The following LANCL3 variants were observed in gnomAD, a reference collection of about 807,000 sequenced individuals.
LANCL3 encodes the protein lanC-like protein 3.
In LANCL3, 19 loss-of-function variants were observed where a neutral mutation model predicts 26.5. The ratio of observed to expected loss-of-function variants is 0.72; its 90% CI spans 0.50 to 1.05. LANCL3 has a LOEUF of 1.05. LANCL3 is among the 50% of genes least tolerant of loss of function. The pLI, the probability that LANCL3 is intolerant of heterozygous loss-of-function variation, is 0.00. For missense variants in LANCL3, 318 were observed against 362.7 expected (o/e 0.88, Z 1.00); for synonymous variants, 160 against 166.6 (o/e 0.96, Z 0.30).
At chrX:37,645,636 GCTGC>G (rs782684142) in intron 1 of LANCL3, among the ~76,000 whole-genome samples, 1 of 111,915 alleles carries the variant, frequency 8.9e-6, no homozygotes, top group East Asian at 2.8e-4. Context: ...GCTTCCTCTC[GCTGC>G]CTTGAATGTC....
intron 1 of LANCL3, among the ~76,000 whole-genome samples, chrX:37,621,087 A>G (rs781808232): frequency 3.6e-5 from 4 of 111,732 alleles, no homozygotes; most frequent in Non-Finnish European, 7.5e-5. Context: ...TTATATCCAA[A>G]TTAAGAACAT....
At chrX:37,598,785 C>T (rs2146724710) in intron 1 of LANCL3, among the ~76,000 whole-genome samples, 1 of 111,921 alleles carries the variant, frequency 8.9e-6, no homozygotes, top group South Asian at 3.8e-4. Flanking sequence ...AAAGTACCTT[C>T]CTTTGTACCA....
intron 1 of LANCL3, among the ~76,000 whole-genome samples, chrX:37,604,207 C>T (rs55862940): frequency 8.9e-6 from 1 of 112,481 alleles, no homozygotes; most frequent in African/African-American, 3.2e-5. Context: ...CTGTTGTACT[C>T]TCAAGCCAAA....
chrX:37,665,981 C>T (rs1355282759), intron 3 of LANCL3, among the ~76,000 whole-genome samples: 3 of 112,004 alleles, frequency 2.7e-5, no homozygotes, highest in Non-Finnish European at 5.6e-5. Context: ...GTACTTTGTT[C>T]CTAAAACTGA....
intron 1 of LANCL3, among the ~76,000 whole-genome samples, chrX:37,640,535 C>CTT (rs1241647252): frequency 1.8e-5 from 2 of 111,848 alleles, no homozygotes; most frequent in Non-Finnish European, 3.8e-5. Context: ...GTGGCAGAGA[C>CTT]TTTTCTCTCT....
In LANCL3 at chrX:37,679,888, A is replaced by G. The variant is rs192672216; in HGVS notation, c.*4075A>G. ...ATAAAGAACCAGTCCATTCTTACCC[A>G]TGAGTTTTATTGCTTTCTGGGACCT... On this transcript the variant is annotated 3_prime_UTR_variant, in exon 5 of 5. Transcript: ENST00000378619. 1.8e-5 allele frequency: 2 copies of G among 111,480 alleles called. No homozygotes were observed. The highest frequency in any genetic ancestry group is 2.8e-4 in the East Asian group (1 of 3,555). The allele number at this position is 111,480 out of a possible 1,213,427, so 9.2% of individuals were successfully genotyped here. A position where few individuals can be genotyped will look rare whatever the true frequency, so the allele number is the denominator to read the frequency against.
chrX:37,572,520 A>G lies in LANCL3; in HGVS notation c.573+77A>G. The G allele has an allele frequency of 6.8e-6, 6 of 886,670 alleles. No individual in the cohort carries two copies. The South Asian group carries it at 1.3e-4, about 20-fold the overall frequency. 73.1% of individuals were successfully genotyped at this position (886,670 alleles called of 1,213,427 possible). ...TTTCCCCGGACTCCGTGGCTCGGGC[A>G]GCACTGTCCCGAGTTGCTCTCCAAG... is the stretch of plus-strand genomic sequence containing the variant. On this transcript the variant is annotated intron_variant, in intron 1 of 4. Transcript: ENST00000378619.
At chrX:37,573,434 T>C (rs1923657150) in intron 1 of LANCL3, among the ~76,000 whole-genome samples, 1 of 111,953 alleles carries the variant, frequency 8.9e-6, no homozygotes, top group Non-Finnish European at 1.9e-5. Flanking sequence ...TAGAGTGTTT[T>C]AAAAGAGTAA....
In LANCL3 at chrX:37,572,038, G is replaced by T; in HGVS notation, c.168G>T (p.Ala56=). The T allele has an allele frequency of 8.5e-7, 1 of 1,180,065 alleles. No homozygotes were observed. Among genetic ancestry groups the T allele is most frequent in the South Asian group, 1.8e-5 (1 of 54,214 alleles). The stretch of plus-strand genomic sequence containing the variant: ...GCGCGGAGGCCCGAGGGGCGACGGC[G>T]GGGGCTAGCGCCTGCCAGGGGGGGC... ...GGGAEARGAT[A]GASACQGGLY... The change falls in exon 1 of 5, where the codon GCG becomes GCT. Residue 56 remains alanine (A), a synonymous_variant. Transcript: ENST00000378619.
chrX:37,592,151 T>C (rs1924300259), intron 1 of LANCL3, among the ~76,000 whole-genome samples: 1 of 111,607 alleles, frequency 9.0e-6, no homozygotes, highest in Admixed American at 9.5e-5. Context: ...ATCCAGAACA[T>C]TGGCAGCCAC....
chrX:37,612,222 G>A (rs112389553), intron 1 of LANCL3, among the ~76,000 whole-genome samples: 2 of 112,200 alleles, frequency 1.8e-5, no homozygotes, highest in African/African-American at 6.5e-5. Flanking sequence ...GATTACAGGC[G>A]TAAGCTACAA....
At chrX:37,598,809 T>C (rs1373103960) in intron 1 of LANCL3, among the ~76,000 whole-genome samples, 2 of 112,164 alleles carry the variant, frequency 1.8e-5, no homozygotes, top group East Asian at 2.8e-4. Flanking sequence ...AAAGCAGTAG[T>C]GATGCAGAAT....
intron 1 of LANCL3, among the ~76,000 whole-genome samples, chrX:37,597,792 C>T (rs1924476840): frequency 1.9e-5 from 2 of 102,834 alleles, no homozygotes; most frequent in African/African-American, 7.1e-5. Flanking sequence ...GCTGGGATTA[C>T]AGGTGTGAGC....
intron 1 of LANCL3, among the ~76,000 whole-genome samples, chrX:37,604,396 G>C (rs1210223093): frequency 8.9e-6 from 1 of 112,296 alleles, no homozygotes; most frequent in Non-Finnish European, 1.9e-5. Context: ...AACTTTTTCA[G>C]AGATATTCCA....
chrX:37,678,518 A>G lies in LANCL3; in HGVS notation c.*2705A>G, dbSNP rs920444778. Reference sequence around the variant, plus strand: ...GAGGATACATTGAAATAGTCTCTCAATAATGGGGAGACTGCATTATGCTTT... The same window carrying G: ...GAGGATACATTGAAATAGTCTCTCAGTAATGGGGAGACTGCATTATGCTTT... On this transcript the variant is annotated 3_prime_UTR_variant, in exon 5 of 5. Coordinates refer to ENST00000378619, the MANE Select transcript of LANCL3 (RefSeq NM_001170331.2). The G allele has an allele frequency of 8.9e-6, 1 of 112,055 alleles. No individual in the cohort carries two copies. Among genetic ancestry groups the G allele is most frequent in the Non-Finnish European group, 1.9e-5 (1 of 53,114 alleles). The allele number at this position is 112,055 out of a possible 1,213,427, so 9.2% of individuals were successfully genotyped here. A position where few individuals can be genotyped will look rare whatever the true frequency, so the allele number is the denominator to read the frequency against.
At chrX:37,600,681 T>C (rs1311778089) in intron 1 of LANCL3, among the ~76,000 whole-genome samples, 1 of 112,019 alleles carries the variant, frequency 8.9e-6, no homozygotes, top group Non-Finnish European at 1.9e-5. Flanking sequence ...ACTAATTCAG[T>C]ACTTCTCAAA....
In LANCL3 at chrX:37,683,326, A is replaced by G. The variant is rs1926982208; in HGVS notation, c.*7513A>G. The G allele has an allele frequency of 1.8e-5, 2 of 112,171 alleles. No individual in the cohort carries two copies. The highest frequency in any genetic ancestry group is 6.5e-5 in the African/African-American group (2 of 30,953). 9.2% of individuals were successfully genotyped at this position (112,171 alleles called of 1,213,427 possible). Reference sequence around the variant, plus strand: ...TTGTATCTAGGAATGAATAACTACTATTATTTAAAGTACTACTGAATTTTG... The same window carrying G: ...TTGTATCTAGGAATGAATAACTACTGTTATTTAAAGTACTACTGAATTTTG... On this transcript the variant is annotated 3_prime_UTR_variant, in exon 5 of 5. Transcript: ENST00000378619.
In LANCL3 at chrX:37,659,607, C is replaced by T. The variant is rs367952311; in HGVS notation, c.843C>T (p.Gly281=). The stretch of plus-strand genomic sequence containing the variant: ...ACTGCAACTGGCCACCTGAGCTCGG[C>T]GAGACCATCGAGAGAGAGAATGAGC... ...EQNCNWPPEL[G]ETIERENELV... is the part of the protein sequence containing the mutation. Residue 281 remains glycine (G), a synonymous_variant, in exon 3 of 5, where the codon GGC becomes GGT. Coordinates refer to ENST00000378619, the MANE Select transcript of LANCL3 (RefSeq NM_001170331.2). 22 of 1,207,764 alleles carry T rather than the reference C, an allele frequency of 1.8e-5. No homozygotes were observed. The highest frequency in any genetic ancestry group is 8.9e-5 in the East Asian group (3 of 33,725).
intron 1 of LANCL3, among the ~76,000 whole-genome samples, chrX:37,627,311 A>G (rs1925343340): frequency 8.9e-6 from 1 of 111,769 alleles, no homozygotes; most frequent in Non-Finnish European, 1.9e-5. Flanking sequence ...ACATAGTAGG[A>G]TATTTCAGCG....
Sources: allele counts gnomAD v4.1 joint callset (sites outside exome capture counted in the v4.1 genomes callset), GRCh38; gene constraint gnomAD v4.1.1; transcripts MANE v1.5; gene names NCBI Gene and HGNC (gene_info 2026-07-23, HGNC 2026-07-21).